The following RAB18 variants were observed in gnomAD, a reference collection of about 807,000 sequenced individuals.
RAB18 encodes the protein ras-related protein Rab-18.
RAB18 carries 10 observed loss-of-function variants against 28.5 expected under a neutral mutation model. The ratio of observed to expected loss-of-function variants is 0.35; its 90% confidence interval spans 0.22 to 0.60. RAB18 has a LOEUF of 0.60. Ranked by LOEUF, RAB18 falls within the 20% of genes least tolerant of loss-of-function variation. The pLI is 0.78. For missense variants in RAB18, 188 were observed against 244.2 expected, an observed-to-expected ratio of 0.77 and a Z score of 1.53; for synonymous variants, 93 against 86.9, an observed-to-expected ratio of 1.07 and a Z score of -0.39.
chr10:27,533,680 A>G (rs1455634027), intron 4 of RAB18, 55 bp from the exon 5 acceptor site: 2 of 1,572,008 alleles, frequency 1.3e-6, no homozygotes, highest in Non-Finnish European at 1.7e-6. Flanking sequence ...TATCAGAAAT[A>G]CGCCATTGCT....
At position 27,504,315 on chromosome 10, in the gene RAB18, G is replaced by T. The variant is rs776758331; in HGVS notation, c.-55G>T. The T allele has an allele frequency of 6.5e-7, 1 of 1,527,052 alleles. No individual in the cohort carries two copies. Among genetic ancestry groups the T allele is most frequent in the Non-Finnish European group, 8.9e-7 (1 of 1,127,684 alleles). The allele number at this position is 1,527,052 out of a possible 1,614,324, so 94.6% of individuals were successfully genotyped here. ...ATGCGCAGCAGCTCACTCTGCTGAA[G>T]GGCTGAGAGGCGCACCCGGGCGGCC... On this transcript the variant is annotated 5_prime_UTR_variant, in exon 1 of 7. It adds an upstream start codon to the 5' untranslated region. Transcript: ENST00000356940.
At chr10:27,515,119 G>T (rs983910959) in intron 2 of RAB18, among the ~76,000 whole-genome samples, 1 of 152,104 alleles carries the variant, frequency 6.6e-6, no homozygotes, top group Non-Finnish European at 1.5e-5. Context: ...TTACATAGGA[G>T]TGTTTGATAA....
intron 6 of RAB18, 38 bp from the exon 7 acceptor site, chr10:27,537,838 G>A (rs759162402): frequency 1.3e-6 from 2 of 1,546,104 alleles, no homozygotes; most frequent in Non-Finnish European, 1.8e-6. Flanking sequence ...TGGCCAGAAA[G>A]GAATATACTA....
chr10:27,531,855 G>A (rs780617423), intron 3 of RAB18, among the ~76,000 whole-genome samples: 3 of 151,746 alleles, frequency 2.0e-5, no homozygotes, highest in Non-Finnish European at 4.4e-5. Flanking sequence ...CAGCACAATG[G>A]TTAAACTGGT....
rs1358859609 is a variant in RAB18 at position 27,541,787 on chromosome 10, C to T, written c.*3736C>T. The T allele has an allele frequency of 4.4e-6, 2 of 453,648 alleles. No homozygotes were observed. The allele number at this position is 453,648 out of a possible 1,614,324, so 28.1% of individuals were successfully genotyped here. A position where few individuals can be genotyped will look rare whatever the true frequency, so the allele number is the denominator to read the frequency against. ...AATTTCTTGTTTGTGTGTGCTGTGGCTGCCCGATCCAGCACCTACTTCCTT... is the reference window on the plus strand; with the variant it reads ...AATTTCTTGTTTGTGTGTGCTGTGGTTGCCCGATCCAGCACCTACTTCCTT... On this transcript the variant is annotated 3_prime_UTR_variant, in exon 7 of 7. Coordinates refer to ENST00000356940, the MANE Select transcript of RAB18 (RefSeq NM_021252.5).
chr10:27,527,540 A>G (rs1400778288), intron 3 of RAB18, among the ~76,000 whole-genome samples: 1 of 151,368 alleles, frequency 6.6e-6, no homozygotes, highest in African/African-American at 2.4e-5. Context: ...CCACCCACAT[A>G]CCGATCTATC....
In RAB18 at chr10:27,541,163, G is replaced by A; in HGVS notation, c.*3112G>A. ...TCCTGTATTTCCCTAGTTAAGTATA[G>A]GGGTAAAAACGTTATTCAGCTTTCA... is the stretch of plus-strand genomic sequence containing the variant. On this transcript the variant is annotated 3_prime_UTR_variant, in exon 7 of 7. Transcript: ENST00000356940. The A allele has an allele frequency of 2.2e-6, 1 of 453,890 alleles. No homozygotes were observed. The highest frequency in any genetic ancestry group is 4.4e-6 in the Non-Finnish European group (1 of 226,760). 28.1% of individuals were successfully genotyped at this position (453,890 alleles called of 1,614,324 possible).
chr10:27,505,498 A>G (rs1837801860), intron 1 of RAB18, among the ~76,000 whole-genome samples: 1 of 152,214 alleles, frequency 6.6e-6, no homozygotes, highest in South Asian at 2.1e-4. Context: ...ATAAAGTCTT[A>G]CTTTTTAAAA....
At chr10:27,535,072 A>AGAGAGAATG (rs1834866006) in intron 6 of RAB18, among the ~76,000 whole-genome samples, 2 of 152,262 alleles carry the variant, frequency 1.3e-5, no homozygotes, top group African/African-American at 4.8e-5. Context: ...TTATAAGGGG[A>AGAGAGAATG]GAGAGAATGA....
chr10:27,539,503 G>A lies in RAB18; in HGVS notation c.*1452G>A, dbSNP rs1045270686. The A allele has an allele frequency of 3.7e-5, 13 of 346,824 alleles. No individual in the cohort carries two copies. The highest frequency in any genetic ancestry group is 7.2e-5 in the Non-Finnish European group (13 of 180,720). The allele number at this position is 346,824 out of a possible 1,614,324, so 21.5% of individuals were successfully genotyped here. On this transcript the variant is annotated 3_prime_UTR_variant, in exon 7 of 7. Transcript: ENST00000356940. ...CTAGTCTACATTACATGTGGTTGAAGGTTTTATACATTCTATATGCTTTTA... is the reference window on the plus strand; with the variant it reads ...CTAGTCTACATTACATGTGGTTGAAAGTTTTATACATTCTATATGCTTTTA...
intron 3 of RAB18, chr10:27,528,212 G>A (rs1053644249): frequency 1.4e-5 from 6 of 423,324 alleles, no homozygotes; most frequent in East Asian, 7.0e-5. Context: ...TCATAGTTTC[G>A]TTTTGTTTTA....
At chr10:27,524,394 A>C (rs1020031948) in intron 2 of RAB18, among the ~76,000 whole-genome samples, 4 of 152,270 alleles carry the variant, frequency 2.6e-5, no homozygotes, top group African/African-American at 9.6e-5. Context: ...TTCCATTAAT[A>C]TCTTCTGGTC....
At chr10:27,529,071 C>G (rs988445699) in intron 3 of RAB18, among the ~76,000 whole-genome samples, 11 of 151,944 alleles carry the variant, frequency 7.2e-5, no homozygotes, top group Admixed American at 4.6e-4. Context: ...AGCTCTTTGT[C>G]ATGTGGTACA....
At chr10:27,523,787 A>C (rs1834616675) in intron 2 of RAB18, among the ~76,000 whole-genome samples, 1 of 151,862 alleles carries the variant, frequency 6.6e-6, no homozygotes, top group Admixed American at 6.6e-5. Context: ...TAATTTTAAA[A>C]GTTTATTTTT....
At chr10:27,511,057 C>T (rs1414400601) in intron 2 of RAB18, among the ~76,000 whole-genome samples, 1 of 152,114 alleles carries the variant, frequency 6.6e-6, no homozygotes, top group African/African-American at 2.4e-5. Context: ...CTTAAATGAA[C>T]ATAGATACAT....
chr10:27,540,428 C>T lies in RAB18; in HGVS notation c.*2377C>T, dbSNP rs955834508. 2.2e-6 allele frequency: 1 copy of T among 453,912 alleles called. No individual in the cohort carries two copies. Among genetic ancestry groups the T allele is most frequent in the Non-Finnish European group, 4.4e-6 (1 of 226,770 alleles). 28.1% of individuals were successfully genotyped at this position (453,912 alleles called of 1,614,324 possible). A position where few individuals can be genotyped will look rare whatever the true frequency, so the allele number is the denominator to read the frequency against. ...CATTTTACAATGGGTAGTTAGTTAC[C>T]AGCTTTTTGTAACACAACCAAGTTA... On this transcript the variant is annotated 3_prime_UTR_variant, in exon 7 of 7. Transcript: ENST00000356940.
intron 2 of RAB18, among the ~76,000 whole-genome samples, chr10:27,514,383 C>G (rs181647856): frequency 4.6e-5 from 7 of 151,664 alleles, no homozygotes; most frequent in Non-Finnish European, 8.8e-5. Context: ...CATAAGAGGC[C>G]GGGGAAGAAA....
intron 6 of RAB18, among the ~76,000 whole-genome samples, chr10:27,537,410 A>C (rs1319771305): frequency 6.6e-6 from 1 of 152,164 alleles, no homozygotes; most frequent in Non-Finnish European, 1.5e-5. Context: ...CTGTGGGACC[A>C]GTTTTCATGG....
intron 4 of RAB18, 99 bp from the exon 5 acceptor site, chr10:27,533,636 C>T: frequency 7.1e-7 from 1 of 1,412,198 alleles, no homozygotes; most frequent in South Asian, 1.2e-5. Context: ...AAAGACTTGT[C>T]TATATTGCTT....
Sources: allele counts gnomAD v4.1 joint callset (sites outside exome capture counted in the v4.1 genomes callset), GRCh38; gene constraint gnomAD v4.1.1; transcripts MANE v1.5; gene names NCBI Gene and HGNC (gene_info 2026-07-23, HGNC 2026-07-21).